Variants in ING3 observed in about 807,000 individuals in gnomAD.
ING3 encodes inhibitor of growth family member 3.
Under a neutral mutation model 64.8 loss-of-function variants are expected in ING3, and 6 were observed. That is an observed-to-expected ratio of 0.09 (90% CI 0.05 to 0.18). The LOEUF (loss-of-function observed/expected upper bound fraction) is 0.18. Ranked by LOEUF, ING3 falls within the 10% of genes least tolerant of loss-of-function variation. The pLI is 1.00. For missense variants in ING3, 310 were observed against 489.7 expected, an observed-to-expected ratio of 0.63 and a Z score of 3.46; for synonymous variants, 170 against 173.7, an observed-to-expected ratio of 0.98 and a Z score of 0.17.
chr7:120,951,086 C>G lies in ING3; in HGVS notation c.29-78C>G, dbSNP rs141835756. ...GTGGGCTGCCGGCCCCCTCGACCCC[C>G]CTGACGCACGCGCGCAGTGACGTAA... On this transcript the variant is annotated intron_variant, in intron 1 of 11. Transcript: ENST00000315870. The G allele has an allele frequency of 7.6e-5, 118 of 1,561,828 alleles. 2 individuals are homozygous for G. The South Asian group carries it at 1.2e-3, about 15-fold the overall frequency.
At position 120,950,882 on chromosome 7, in the gene ING3, G is replaced by C. The variant is rs4523189; in HGVS notation, c.-15G>C. On this transcript the variant is annotated 5_prime_UTR_variant, in exon 1 of 12. Coordinates refer to ENST00000315870, the MANE Select transcript of ING3 (RefSeq NM_019071.3). Reference sequence around the variant, plus strand: ...ACCCCTGGACCCCCTTGTTCCCTCAGCTCTAAGGGCCGCGATGTTGTACCT... The same window carrying C: ...ACCCCTGGACCCCCTTGTTCCCTCACCTCTAAGGGCCGCGATGTTGTACCT... 1 of 1,612,980 alleles carries C rather than the reference G, an allele frequency of 6.2e-7. No homozygotes were observed. Among genetic ancestry groups the C allele is most frequent in the East Asian group, 2.2e-5 (1 of 44,788 alleles).
chr7:120,951,517 G>A (rs745844011), intron 2 of ING3, among the ~76,000 whole-genome samples: 1 of 152,200 alleles, frequency 6.6e-6, no homozygotes. Flanking sequence ...CATTGACATA[G>A]TTATCTATGT....
intron 10 of ING3, 150 bp downstream of exon 10, chr7:120,971,030 C>T: frequency 1.2e-6 from 1 of 827,458 alleles, no homozygotes. Flanking sequence ...GTGACATTTG[C>T]TGTAAATACT....
rs369564332 is a variant in ING3 at position 120,970,895 on chromosome 7, T to C, written c.1101+15T>C. The C allele has an allele frequency of 4.5e-6, 7 of 1,540,892 alleles. No homozygotes were observed. In the African/African-American group the frequency reaches 5.5e-5, roughly 12 times the overall value. On this transcript the variant is annotated intron_variant, in intron 10 of 11. Coordinates refer to ENST00000315870, the MANE Select transcript of ING3 (RefSeq NM_019071.3). ...TTTGTAATCAGGTAAAAGTCTGTTATATCTATAAAAGTATAATCTGAATAA... is the reference window on the plus strand; with the variant it reads ...TTTGTAATCAGGTAAAAGTCTGTTACATCTATAAAAGTATAATCTGAATAA...
chr7:120,964,309 A>T (rs1007838393), intron 4 of ING3, among the ~76,000 whole-genome samples: 1 of 152,108 alleles, frequency 6.6e-6, no homozygotes, highest in African/African-American at 2.4e-5. Context: ...CATCATTCTA[A>T]ATAATAGCTT....
intron 10 of ING3, 82 bp from the exon 11 acceptor site, chr7:120,973,123 C>T (rs1230470952): frequency 1.2e-5 from 9 of 744,804 alleles, no homozygotes; most frequent in Admixed American, 2.2e-5. Context: ...TATTTTCCAG[C>T]AGTATCATAC....
chr7:120,966,573 A>C (rs1363528966), intron 5 of ING3, 53 bp from the exon 6 acceptor site: 94 of 1,343,136 alleles, frequency 7.0e-5, no homozygotes, highest in Non-Finnish European at 9.3e-5. Flanking sequence ...TGACATGTGA[A>C]GTTCTGCGGT....
At position 120,974,713 on chromosome 7, in the gene ING3, A is replaced by C; in HGVS notation, c.1141-15A>C. Reference sequence around the variant, plus strand: ...GAAGTACTGAAAACTTGTTTTTTGCAATTTTGCTTTCTAGTGCCCTATAGA... The same window carrying C: ...GAAGTACTGAAAACTTGTTTTTTGCCATTTTGCTTTCTAGTGCCCTATAGA... On this transcript the variant is annotated splice_polypyrimidine_tract_variant and intron_variant, in intron 11 of 11. Coordinates refer to ENST00000315870, the MANE Select transcript of ING3 (RefSeq NM_019071.3). The C allele has an allele frequency of 1.3e-6, 2 of 1,582,790 alleles. No individual in the cohort carries two copies. The highest frequency in any genetic ancestry group is 1.7e-6 in the Non-Finnish European group (2 of 1,154,250).
chr7:120,966,642 C>T lies in ING3; in HGVS notation c.381C>T (p.Asp127=). ...EILERRSLEL[D]TPSQPVNNHH... ...TTCTTTTAGGATCTTTGGAATTAGACACTCCTTCACAGCCAGTGAACAATC... is the reference window on the plus strand; with the variant it reads ...TTCTTTTAGGATCTTTGGAATTAGATACTCCTTCACAGCCAGTGAACAATC... The change falls in exon 6 of 12, where the codon GAC becomes GAT. Residue 127 remains aspartate, a synonymous_variant. Transcript: ENST00000315870. The T allele has an allele frequency of 1.9e-6, 3 of 1,613,080 alleles. No homozygotes were observed. The highest frequency in any genetic ancestry group is 1.1e-5 in the South Asian group (1 of 91,052).
chr7:120,951,057 C>T (rs571017006), intron 1 of ING3, 107 bp from the exon 2 acceptor site: 8 of 1,496,612 alleles, frequency 5.3e-6, no homozygotes, highest in Admixed American at 1.7e-5. Flanking sequence ...CTGGCAGCCT[C>T]GTTGTGGGCT....
At chr7:120,957,490 A>G (rs1287766140) in intron 4 of ING3, among the ~76,000 whole-genome samples, 1 of 152,228 alleles carries the variant, frequency 6.6e-6, no homozygotes, top group African/African-American at 2.4e-5. Context: ...GAAACATGTA[A>G]TAAACATTAA....
chr7:120,957,624 T>C (rs1795869108), intron 4 of ING3, among the ~76,000 whole-genome samples: 2 of 152,194 alleles, frequency 1.3e-5, no homozygotes, highest in African/African-American at 2.4e-5. Flanking sequence ...GTCAAGGTCC[T>C]GAATTAGGTA....
intron 4 of ING3, among the ~76,000 whole-genome samples, chr7:120,962,403 G>C (rs1795945095): frequency 6.6e-6 from 1 of 151,262 alleles, no homozygotes; most frequent in South Asian, 2.1e-4. Context: ...TTGGTTTTTA[G>C]AGTTATTAAC....
chr7:120,956,435 G>A (rs974855880), intron 4 of ING3: 3 of 1,221,334 alleles, frequency 2.5e-6, no homozygotes, highest in East Asian at 4.5e-5. Context: ...AAATGTCATT[G>A]GTGAGCAGGA....
At chr7:120,963,091 T>A (rs563093642) in intron 4 of ING3, among the ~76,000 whole-genome samples, 1 of 152,250 alleles carries the variant, frequency 6.6e-6, no homozygotes, top group African/African-American at 2.4e-5. Context: ...ATATGAATAT[T>A]TTTTCTGATT....
Position 120,950,829 on chromosome 7 carries a change from C to G in ING3, c.-68C>G. The G allele has an allele frequency of 1.5e-6, 2 of 1,349,298 alleles. No individual in the cohort carries two copies. The highest frequency in any genetic ancestry group is 2.0e-6 in the Non-Finnish European group (2 of 1,005,630). 83.6% of individuals were successfully genotyped at this position (1,349,298 alleles called of 1,614,324 possible). A position where few individuals can be genotyped will look rare whatever the true frequency, so the allele number is the denominator to read the frequency against. On this transcript the variant is annotated 5_prime_UTR_variant, in exon 1 of 12. Transcript: ENST00000315870. The stretch of plus-strand genomic sequence containing the variant: ...AGGCGCCATATTGGAGGGGACAAAA[C>G]TCCGGCGACAGCGAGTGACACAAAT...
chr7:120,957,498 T>A (rs926059584), intron 4 of ING3, among the ~76,000 whole-genome samples: 3 of 152,172 alleles, frequency 2.0e-5, no homozygotes, highest in Non-Finnish European at 4.4e-5. Context: ...TAATAAACAT[T>A]AACCAGTTGA....
intron 5 of ING3, among the ~76,000 whole-genome samples, chr7:120,965,904 C>A (rs1795991347): frequency 6.6e-6 from 1 of 152,024 alleles, no homozygotes; most frequent in Non-Finnish European, 1.5e-5. Context: ...TTTAAAAATG[C>A]TGATGATAGC....
At chr7:120,951,065 G>A in intron 1 of ING3, 99 bp from the exon 2 acceptor site, 1 of 1,521,916 alleles carries the variant, frequency 6.6e-7, no homozygotes, top group Non-Finnish European at 9.1e-7. Context: ...CTCGTTGTGG[G>A]CTGCCGGCCC....
Sources: allele counts gnomAD v4.1 joint callset (sites outside exome capture counted in the v4.1 genomes callset), GRCh38; gene constraint gnomAD v4.1.1; transcripts MANE v1.5; gene names NCBI Gene and HGNC (gene_info 2026-07-23, HGNC 2026-07-21).